PTPRD: variants seen among roughly 807,000 people sequenced by gnomAD.
PTPRD encodes the protein protein tyrosine phosphatase receptor type D, also known as receptor-type tyrosine-protein phosphatase delta.
In PTPRD, 34 loss-of-function variants were observed where a neutral mutation model predicts 214.5. The ratio of observed to expected loss-of-function variants is 0.16; its 90% CI spans 0.12 to 0.21. The LOEUF is 0.21. Ranked by LOEUF, PTPRD falls within the 10% of genes least tolerant of loss-of-function variation. The probability of loss-of-function intolerance (pLI) is 1.00; values close to 1 mark genes in which losing one functional copy is unlikely to be tolerated. For missense variants in PTPRD, 2,545 were observed against 2,398.7 expected (o/e 1.06, Z -1.27); for synonymous variants, 1,128 against 845.7 (o/e 1.33, Z -5.79).
At chr9:9,496,924 A>G (rs969156674) in intron 8 of PTPRD, among the ~76,000 whole-genome samples, 5 of 152,204 alleles carry the variant, frequency 3.3e-5, no homozygotes, top group African/African-American at 1.2e-4. Flanking sequence ...CTTAAAAAGG[A>G]AGGAAATTCT....
At chr9:10,078,728 C>CA (rs1466828098) in intron 3 of PTPRD, among the ~76,000 whole-genome samples, 1 of 151,952 alleles carries the variant, frequency 6.6e-6, no homozygotes, top group African/African-American at 2.4e-5. Flanking sequence ...ATTGCTGTTT[C>CA]AAAATGTGCC....
chr9:8,934,659 A>G (rs1042312337), intron 11 of PTPRD, among the ~76,000 whole-genome samples: 1 of 149,360 alleles, frequency 6.7e-6, no homozygotes, highest in Admixed American at 6.8e-5. Context: ...TATTTCTAGT[A>G]TACCCTAGAG....
At chr9:9,082,607 A>T (rs746729407) in intron 10 of PTPRD, among the ~76,000 whole-genome samples, 75 of 152,188 alleles carry the variant, frequency 4.9e-4, no homozygotes, top group Non-Finnish European at 8.8e-4. Flanking sequence ...GAGGAAGTCA[A>T]ATTGTCTTTC....
At chr9:8,859,117 G>A (rs539535643) in intron 11 of PTPRD, among the ~76,000 whole-genome samples, 2 of 152,352 alleles carry the variant, frequency 1.3e-5, no homozygotes, top group South Asian at 4.1e-4. Flanking sequence ...GGGGATGCTT[G>A]TAGGATCCGC....
intron 3 of PTPRD, among the ~76,000 whole-genome samples, chr9:10,078,362 A>T (rs2154186632): frequency 6.6e-6 from 1 of 150,914 alleles, no homozygotes; most frequent in East Asian, 2.0e-4. Context: ...AAAAAAAAAA[A>T]AAAATTAGCT....
chr9:9,611,350 G>A (rs73641336), intron 7 of PTPRD, among the ~76,000 whole-genome samples: 3,621 of 151,590 alleles, frequency 0.024, 126 homozygotes, highest in African/African-American at 0.084. Flanking sequence ...TGAATGAAGA[G>A]CATTGATGCT....
chr9:8,561,171 A>G (rs879887834), intron 14 of PTPRD, among the ~76,000 whole-genome samples: 5 of 151,984 alleles, frequency 3.3e-5, no homozygotes, highest in Middle Eastern at 3.2e-3. Context: ...ACCCTTTCCT[A>G]ATTGGTTTTC....
At chr9:10,593,479 C>G (rs1021050283) in intron 2 of PTPRD, among the ~76,000 whole-genome samples, 2 of 151,990 alleles carry the variant, frequency 1.3e-5, no homozygotes, top group East Asian at 3.9e-4. Flanking sequence ...ACAAGTATGA[C>G]TTCATTTCAT....
chr9:10,347,001 T>C (rs981444259), intron 2 of PTPRD, among the ~76,000 whole-genome samples: 12 of 152,204 alleles, frequency 7.9e-5, no homozygotes, highest in Admixed American at 6.5e-4. Flanking sequence ...ACTTTTATCT[T>C]TCAGGTGGCC....
At chr9:8,721,097 C>G (rs2098490529) in intron 12 of PTPRD, among the ~76,000 whole-genome samples, 1 of 150,032 alleles carries the variant, frequency 6.7e-6, no homozygotes, top group East Asian at 2.0e-4. Context: ...GTTGCCTACA[C>G]TTAGAATATT....
intron 9 of PTPRD, among the ~76,000 whole-genome samples, chr9:9,269,008 C>A (rs1344124152): frequency 6.7e-6 from 1 of 149,764 alleles, no homozygotes; most frequent in Non-Finnish European, 1.5e-5. Context: ...AAATAAACAA[C>A]TGGAAACACA....
chr9:10,323,449 T>G (rs2096591183), intron 3 of PTPRD, among the ~76,000 whole-genome samples: 3 of 150,826 alleles, frequency 2.0e-5, no homozygotes, highest in Admixed American at 1.3e-4. Context: ...TGCAATCCAC[T>G]ATGCCTGGCT....
Position 10,571,163 on chromosome 9 carries a change from G to C in PTPRD, c.-600+41235C>G, listed in dbSNP as rs79078376. ...AATATAAACTAGTTAAAATATATGA[G>C]GTTAATTATTGACTGCAGTTTTTAA... is the stretch of plus-strand genomic sequence containing the variant. On this transcript the variant is annotated intron_variant, in intron 2 of 45. Coordinates refer to ENST00000381196, the MANE Select transcript of PTPRD (RefSeq NM_002839.4). 6.4e-4 allele frequency among the ~76,000 whole-genome samples: 98 copies of C among 151,992 alleles called. 4 individuals carry two copies. The East Asian group carries it at 0.017, about 27-fold the overall frequency.
intron 11 of PTPRD, among the ~76,000 whole-genome samples, chr9:8,967,328 C>A (rs1489280160): frequency 6.6e-6 from 1 of 152,052 alleles, no homozygotes; most frequent in Admixed American, 6.6e-5. Flanking sequence ...AATCATCCTA[C>A]TAAATGGAAA....
At chr9:8,361,361 C>T (rs1007923816) in intron 39 of PTPRD, among the ~76,000 whole-genome samples, 1 of 152,108 alleles carries the variant, frequency 6.6e-6, no homozygotes, top group Non-Finnish European at 1.5e-5. Context: ...GACTGCAAGC[C>T]AAATGTTGCT....
chr9:9,400,505 G>A (rs1328144814), intron 8 of PTPRD, among the ~76,000 whole-genome samples: 3 of 151,682 alleles, frequency 2.0e-5, no homozygotes, highest in Non-Finnish European at 4.4e-5. Flanking sequence ...GATCTAATTC[G>A]CTACCTTTAT....
intron 10 of PTPRD, among the ~76,000 whole-genome samples, chr9:9,039,909 C>G (rs1371263672): frequency 6.6e-6 from 1 of 152,022 alleles, no homozygotes; most frequent in Non-Finnish European, 1.5e-5. Flanking sequence ...GTGCCTACCC[C>G]CAATGTATTG....
intron 7 of PTPRD, among the ~76,000 whole-genome samples, chr9:9,650,956 ATATATT>A (rs983764490): frequency 4.6e-5 from 7 of 152,208 alleles, no homozygotes; most frequent in Non-Finnish European, 8.8e-5. Context: ...TGTATAAAAC[ATATATT>A]TATGAGGACA....
chr9:8,531,111 A>T (rs2075577158), intron 14 of PTPRD, among the ~76,000 whole-genome samples: 1 of 152,120 alleles, frequency 6.6e-6, no homozygotes, highest in African/African-American at 2.4e-5. Flanking sequence ...TTGTGGAAGC[A>T]GTAATACATT....
Sources: gnomAD v4.1 joint callset for allele counts (sites outside exome capture counted in the v4.1 genomes callset) on GRCh38, gnomAD v4.1.1 for gene constraint, MANE v1.5 for transcripts, NCBI Gene and HGNC (gene_info 2026-07-23, HGNC 2026-07-21) for gene names.